LETM2: variants seen among roughly 807,000 people sequenced by gnomAD.
LETM2 encodes the protein LETM1 domain-containing protein LETM2, mitochondrial.
A neutral mutation model predicts 59.6 loss-of-function variants in LETM2; 58 were observed. That is an observed-to-expected ratio of 0.97 (90% CI 0.79 to 1.21). The LOEUF (loss-of-function observed/expected upper bound fraction) is 1.21, where lower values mean the gene tolerates loss of function less well. LETM2 is among the 50% of genes most tolerant of loss of function. LETM2 has a pLI of 0.00. For missense variants in LETM2, 572 were observed against 575.7 expected, an observed-to-expected ratio of 0.99 and a Z score of 0.07; for synonymous variants, 199 against 214.1, an observed-to-expected ratio of 0.93 and a Z score of 0.62.
Position 38,393,799 on chromosome 8 carries a change from C to T in LETM2, c.502-299C>T, listed in dbSNP as rs183843613. 8 of 261,148 alleles carry T rather than the reference C, an allele frequency of 3.1e-5. No individual in the cohort carries two copies. In the East Asian group the frequency reaches 5.1e-4, roughly 17 times the overall value. 16.2% of individuals were successfully genotyped at this position (261,148 alleles called of 1,614,324 possible). A position where few individuals can be genotyped will look rare whatever the true frequency, so the allele number is the denominator to read the frequency against. ...AAAGTTACTTCAGAGCTATGGTAAA[C>T]AGGAAAACCCTGCCTCTTCATTTTA... On this transcript the variant is annotated intron_variant, in intron 3 of 10. Coordinates refer to ENST00000379957, the MANE Select transcript of LETM2 (RefSeq NM_001286819.2).
chr8:38,390,898 G>A (rs1437718669), intron 2 of LETM2, among the ~76,000 whole-genome samples: 1 of 151,440 alleles, frequency 6.6e-6, no homozygotes, highest in African/African-American at 2.4e-5. Flanking sequence ...GGCCAGGATG[G>A]TCTAGATCTC....
intron 2 of LETM2, among the ~76,000 whole-genome samples, chr8:38,391,443 C>T (rs1275469817): frequency 1.7e-4 from 25 of 150,960 alleles, no homozygotes; most frequent in Non-Finnish European, 3.5e-4. Flanking sequence ...GCTGGGACTA[C>T]AGGCACGTGC....
intron 5 of LETM2, 65 bp downstream of exon 5, chr8:38,400,474 ATCATGGATT>A (rs747907289): frequency 6.8e-7 from 1 of 1,463,132 alleles, no homozygotes; most frequent in Non-Finnish European, 9.2e-7. Flanking sequence ...AACGCATGTC[ATCATGGATT>A]TCCCAAATTG....
chr8:38,404,381 C>T lies in LETM2; in HGVS notation c.1105-12C>T. On this transcript the variant is annotated splice_polypyrimidine_tract_variant and intron_variant, in intron 7 of 10. Transcript: ENST00000379957. The stretch of plus-strand genomic sequence containing the variant: ...TCTGATTCTCACGTGTTGTTCCCCT[C>T]CCGTTCTCCAGTGGCAGGACCTCCA... 6.4e-7 allele frequency: 1 copy of T among 1,568,970 alleles called. No individual in the cohort carries two copies. Among genetic ancestry groups the T allele is most frequent in the South Asian group, 1.1e-5 (1 of 90,160 alleles).
intron 8 of LETM2, 147 bp from the exon 9 acceptor site, chr8:38,406,799 G>A (rs910266502): frequency 1.8e-6 from 1 of 554,530 alleles, no homozygotes; most frequent in African/African-American, 1.9e-5. Flanking sequence ...TATTTCATAG[G>A]TTACTCATAA....
chr8:38,386,575 G>T lies in LETM2; in HGVS notation c.-35+7G>T, dbSNP rs554439831. The T allele has an allele frequency of 6.6e-6, 1 of 152,366 alleles. No homozygotes were observed. The highest frequency in any genetic ancestry group is 1.9e-4 in the East Asian group (1 of 5,168). 9.4% of individuals were successfully genotyped at this position (152,366 alleles called of 1,614,324 possible). A position where few individuals can be genotyped will look rare whatever the true frequency, so the allele number is the denominator to read the frequency against. ...GCGGAGCCCGGCCGAGGAGGTAGGG[G>T]TGGGCAGGCCCAGCCCTCAGGCCGC... is the stretch of plus-strand genomic sequence containing the variant. On this transcript the variant is annotated splice_region_variant and intron_variant, in intron 1 of 10. Coordinates refer to ENST00000379957, the MANE Select transcript of LETM2 (RefSeq NM_001286819.2).
chr8:38,394,184 GT>G lies in LETM2; in HGVS notation c.591del (p.Leu198Ter). 1 of 1,517,292 alleles carries G rather than the reference GT, an allele frequency of 6.6e-7. No homozygotes were observed. The highest frequency in any genetic ancestry group is 8.8e-7 in the Non-Finnish European group (1 of 1,139,294). The allele number at this position is 1,517,292 out of a possible 1,614,324, so 94.0% of individuals were successfully genotyped here. On this transcript the variant is annotated frameshift_variant, in exon 4 of 11. Coordinates refer to ENST00000379957, the MANE Select transcript of LETM2 (RefSeq NM_001286819.2). LOFTEE classifies it high-confidence loss of function. ...VPFMEFLLPV[F>X]LKLFPEMLPS... The stretch of plus-strand genomic sequence containing the variant: ...CCTTCATGGAATTCTTATTACCAGT[GT>G]TTCTGAAACTCTTCCCAGAGATGTT...
chr8:38,404,565 A>T, intron 8 of LETM2, 59 bp downstream of exon 8: 1 of 1,027,514 alleles, frequency 9.7e-7, no homozygotes, highest in Non-Finnish European at 1.5e-6. Flanking sequence ...CTCTCCACAA[A>T]CACTTGGTGT....
intron 4 of LETM2, among the ~76,000 whole-genome samples, chr8:38,397,537 T>C (rs1812786303): frequency 6.6e-6 from 1 of 152,092 alleles, no homozygotes; most frequent in African/African-American, 2.4e-5. Context: ...GGTTGGTTAT[T>C]TGTGGTTGAA....
At chr8:38,407,295 G>A in intron 9 of LETM2, 67 bp from the exon 10 acceptor site, 1 of 1,206,796 alleles carries the variant, frequency 8.3e-7, no homozygotes, top group South Asian at 1.2e-5. Flanking sequence ...AGTCAAGGTA[G>A]TGGACTGTAG....
chr8:38,391,573 G>A (rs891523194), intron 2 of LETM2, among the ~76,000 whole-genome samples: 15 of 151,944 alleles, frequency 9.9e-5, no homozygotes, highest in Middle Eastern at 6.8e-3. Context: ...GATTACAGGC[G>A]TGAGCCACTG....
At position 38,394,235 on chromosome 8, in the gene LETM2, C is replaced by A; in HGVS notation, c.639C>A (p.Ser213=). ...TGCCATCAACTTTTGAAAGTGAATC[C>A]AAAAAGGTATGATTTTTTAACTTTA... The part of the protein sequence containing the change: ...EMLPSTFESE[S]KKEEKQKKKM... The change falls in exon 4 of 11, where the codon TCC becomes TCA. Residue 213 remains serine (S), a synonymous_variant. Coordinates refer to ENST00000379957, the MANE Select transcript of LETM2 (RefSeq NM_001286819.2). 1 of 1,463,994 alleles carries A rather than the reference C, an allele frequency of 6.8e-7. No individual in the cohort carries two copies. The highest frequency in any genetic ancestry group is 9.0e-7 in the Non-Finnish European group (1 of 1,113,366). The allele number at this position is 1,463,994 out of a possible 1,614,324, so 90.7% of individuals were successfully genotyped here.
chr8:38,392,414 G>GAAA, intron 2 of LETM2, 128 bp from the exon 3 acceptor site: 29 of 574,256 alleles, frequency 5.1e-5, no homozygotes, highest in Non-Finnish European at 6.5e-5. Flanking sequence ...AATGGGAGTG[G>GAAA]AAAAAAAAAA....
upstream of LETM2, among the ~76,000 whole-genome samples, chr8:38,385,081 C>A (rs1811718474): frequency 6.6e-6 from 1 of 152,188 alleles, no homozygotes; most frequent in Non-Finnish European, 1.5e-5. Flanking sequence ...GATTTTAATA[C>A]TGGTAAACAG....
intron 4 of LETM2, among the ~76,000 whole-genome samples, chr8:38,397,615 C>G (rs548472328): frequency 2.1e-4 from 32 of 152,262 alleles, no homozygotes; most frequent in Non-Finnish European, 3.4e-4. Context: ...GGTTGGAAGG[C>G]ATCCACCCAC....
chr8:38,396,647 G>T (rs1812715975), intron 4 of LETM2, among the ~76,000 whole-genome samples: 3 of 152,102 alleles, frequency 2.0e-5, no homozygotes, highest in Non-Finnish European at 2.9e-5. Context: ...GCTCATCTCT[G>T]TAATCCCAGC....
chr8:38,405,049 C>T (rs1813605770), intron 8 of LETM2, among the ~76,000 whole-genome samples: 2 of 152,206 alleles, frequency 1.3e-5, no homozygotes, highest in Admixed American at 1.3e-4. Flanking sequence ...CCTTTGAGCC[C>T]AGCTTGATTG....
chr8:38,392,142 T>G (rs1219252153), intron 2 of LETM2, among the ~76,000 whole-genome samples: 2 of 152,074 alleles, frequency 1.3e-5, no homozygotes, highest in African/African-American at 4.8e-5. Context: ...CAATATTCCT[T>G]GGCCAGGCAT....
chr8:38,407,843 TTATC>T (rs934343483), intron 10 of LETM2, among the ~76,000 whole-genome samples: 4 of 152,236 alleles, frequency 2.6e-5, no homozygotes, highest in Admixed American at 6.5e-5. Flanking sequence ...AAGAAACTAC[TTATC>T]TATCATCCAG....
Sources: allele counts gnomAD v4.1 joint callset (sites outside exome capture counted in the v4.1 genomes callset), GRCh38; gene constraint gnomAD v4.1.1; transcripts MANE v1.5; gene names NCBI Gene and HGNC (gene_info 2026-07-23, HGNC 2026-07-21).